NRXN1: variants seen among roughly 807,000 people sequenced by gnomAD.
The protein encoded by NRXN1 is neurexin 1.
Under a neutral mutation model 150.9 loss-of-function variants are expected in NRXN1, and 39 were observed. That is an observed-to-expected ratio of 0.26 (90% confidence interval 0.20 to 0.34). The LOEUF (loss-of-function observed/expected upper bound fraction) is 0.34, where lower values mean the gene tolerates loss of function less well. Ranked by LOEUF, NRXN1 falls within the 10% of genes least tolerant of loss-of-function variation. The probability of loss-of-function intolerance (pLI) is 1.00; values close to 1 mark genes in which losing one functional copy is unlikely to be tolerated. For missense variants in NRXN1, 1,815 were observed against 1,949.9 expected, an observed-to-expected ratio of 0.93 and a Z score of 1.30; for synonymous variants, 924 against 757.0, an observed-to-expected ratio of 1.22 and a Z score of -3.62.
In NRXN1 at chr2:50,215,743, A is replaced by G. The variant is rs972583669; in HGVS notation, c.3546+21046T>C. Among the ~76,000 whole-genome samples, 27 of 152,206 alleles carry G rather than the reference A, an allele frequency of 1.8e-4. 1 individual carries two copies. The South Asian group carries it at 3.7e-3, about 21-fold the overall frequency. Reference sequence around the variant, plus strand: ...TTAATAATAATATTAAAAAATCAGGACAATCTAAATTAAGGAATTATTGTT... The same window carrying G: ...TTAATAATAATATTAAAAAATCAGGGCAATCTAAATTAAGGAATTATTGTT... On this transcript the variant is annotated intron_variant, in intron 18 of 22. Transcript: ENST00000401669.
intron 22 of NRXN1, among the ~76,000 whole-genome samples, chr2:49,937,704 C>T (rs1671292035): frequency 1.3e-5 from 2 of 152,334 alleles, no homozygotes; most frequent in South Asian, 4.1e-4. Flanking sequence ...AAATGGAACA[C>T]TCATTGCTAC....
chr2:50,868,866 A>G (rs1202118332), intron 5 of NRXN1, among the ~76,000 whole-genome samples: 1 of 151,898 alleles, frequency 6.6e-6, no homozygotes, highest in Non-Finnish European at 1.5e-5. Context: ...GATTACCTTA[A>G]CATTCAATGT....
intron 5 of NRXN1, among the ~76,000 whole-genome samples, chr2:50,801,563 G>C (rs755706013): frequency 2.0e-5 from 3 of 152,064 alleles, no homozygotes; most frequent in Non-Finnish European, 4.4e-5. Context: ...TATGACACAA[G>C]CTTTGATATT....
intron 18 of NRXN1, among the ~76,000 whole-genome samples, chr2:50,139,678 A>G (rs1353714792): frequency 6.6e-6 from 1 of 152,204 alleles, no homozygotes; most frequent in Non-Finnish European, 1.5e-5. Flanking sequence ...CTTGGGGTAA[A>G]TATCAAGTGG....
At chr2:50,111,646 AG>A (rs1184034187) in intron 18 of NRXN1, among the ~76,000 whole-genome samples, 1 of 151,954 alleles carries the variant, frequency 6.6e-6, no homozygotes, top group African/African-American at 2.4e-5. Context: ...CTCAAAAAAA[AG>A]AAAAAAAAAA....
At position 50,552,593 on chromosome 2, in the gene NRXN1, G is replaced by T; in HGVS notation, c.1753C>A (p.Arg585=). Residue 585 remains arginine, a synonymous_variant, in exon 9 of 23, where the codon CGG becomes AGG. Transcript: ENST00000401669. ...AGAAAAATGATAAGATTACCTGACC[G>T]TCCGTCTCTCTGGAAGTCCACATGA... ...WYHVDFQRDG[R]SGTISVNTLR... is the part of the protein sequence containing the mutation. 1 of 1,608,588 alleles carries T rather than the reference G, an allele frequency of 6.2e-7. No individual in the cohort carries two copies. Among genetic ancestry groups the T allele is most frequent in the Non-Finnish European group, 8.5e-7 (1 of 1,175,376 alleles).
At chr2:50,336,078 C>T (rs2077173931) in intron 17 of NRXN1, among the ~76,000 whole-genome samples, 1 of 152,070 alleles carries the variant, frequency 6.6e-6, no homozygotes, top group Non-Finnish European at 1.5e-5. Flanking sequence ...AGGAACTGCC[C>T]AAGGTCAGAT....
intron 10 of NRXN1, among the ~76,000 whole-genome samples, chr2:50,531,852 T>G (rs1055681648): frequency 3.3e-5 from 5 of 152,002 alleles, no homozygotes; most frequent in Admixed American, 3.3e-4. Flanking sequence ...TGGGTTTTGT[T>G]GTTGTTTGTT....
chr2:50,342,394 A>T (rs1435323742), intron 17 of NRXN1, among the ~76,000 whole-genome samples: 1 of 152,256 alleles, frequency 6.6e-6, no homozygotes, highest in Non-Finnish European at 1.5e-5. Flanking sequence ...CAGAACAGTC[A>T]TAGCCAAAAA....
At chr2:50,252,712 C>T (rs766949648) in intron 17 of NRXN1, among the ~76,000 whole-genome samples, 2 of 151,992 alleles carry the variant, frequency 1.3e-5, no homozygotes, top group South Asian at 2.1e-4. Context: ...TCAGGTTTGT[C>T]GAAGATCAGG....
chr2:50,115,729 CTT>C (rs1304546835), intron 18 of NRXN1, among the ~76,000 whole-genome samples: 1 of 152,038 alleles, frequency 6.6e-6, no homozygotes, highest in Non-Finnish European at 1.5e-5. Context: ...CTTCTGGAAA[CTT>C]TGCAATCTAT....
intron 12 of NRXN1, among the ~76,000 whole-genome samples, chr2:50,511,871 ACAT>A (rs2092465158): frequency 6.6e-6 from 1 of 152,168 alleles, no homozygotes; most frequent in Admixed American, 6.5e-5. Context: ...TTCCATTTTC[ACAT>A]CAACATGATT....
intron 18 of NRXN1, among the ~76,000 whole-genome samples, chr2:50,192,079 T>C (rs1029011127): frequency 1.3e-5 from 2 of 152,184 alleles, no homozygotes; most frequent in Non-Finnish European, 2.9e-5. Flanking sequence ...TTCTAAGTTC[T>C]AAAAATATTA....
chr2:50,041,542 A>G (rs1025385338), intron 21 of NRXN1, among the ~76,000 whole-genome samples: 2 of 152,148 alleles, frequency 1.3e-5, no homozygotes, highest in African/African-American at 4.8e-5. Flanking sequence ...AATCAGACAA[A>G]CTGAAAATGT....
intron 5 of NRXN1, chr2:50,656,469 C>G: frequency 1.4e-6 from 1 of 739,424 alleles, no homozygotes; most frequent in Non-Finnish European, 2.5e-6. Context: ...TCAGTTTTTG[C>G]TCTGTTTAAA....
At chr2:50,360,380 C>A (rs966197340) in intron 17 of NRXN1, among the ~76,000 whole-genome samples, 1 of 152,126 alleles carries the variant, frequency 6.6e-6, no homozygotes, top group Non-Finnish European at 1.5e-5. Flanking sequence ...TATACACAGA[C>A]ACATATAGGC....
chr2:50,778,676 G>T (rs1331936362), intron 5 of NRXN1, among the ~76,000 whole-genome samples: 1 of 152,164 alleles, frequency 6.6e-6, no homozygotes, highest in African/African-American at 2.4e-5. Context: ...AAACTAGAAA[G>T]AGGGATATGT....
intron 15 of NRXN1, among the ~76,000 whole-genome samples, chr2:50,472,730 C>T (rs1195203715): frequency 1.3e-5 from 2 of 150,984 alleles, no homozygotes; most frequent in Admixed American, 6.6e-5. Context: ...GGAATGTGGG[C>T]TAGCTATAGA....
At chr2:50,762,573 T>C (rs527446561) in intron 5 of NRXN1, among the ~76,000 whole-genome samples, 2 of 152,050 alleles carry the variant, frequency 1.3e-5, no homozygotes, top group South Asian at 2.1e-4. Context: ...CTTCCACTTA[T>C]GAGTGGGAAC....
Sources: gnomAD v4.1 joint callset for allele counts (sites outside exome capture counted in the v4.1 genomes callset) on GRCh38, gnomAD v4.1.1 for gene constraint, MANE v1.5 for transcripts, NCBI Gene and HGNC (gene_info 2026-07-23, HGNC 2026-07-21) for gene names.